BRINP2: variants seen among roughly 807,000 people sequenced by gnomAD.
The protein encoded by BRINP2 is BMP/retinoic acid inducible neural specific 2, also known as BMP/retinoic acid-inducible neural-specific protein 2.
BRINP2 carries 21 observed loss-of-function variants against 69.2 expected under a neutral mutation model. The ratio of observed to expected loss-of-function variants is 0.30; its 90% CI spans 0.22 to 0.44. The LOEUF is 0.44. Among genes scored for constraint, BRINP2 ranks in the 20% least tolerant of loss-of-function variants. The probability of loss-of-function intolerance (pLI) is 1.00; values close to 1 mark genes in which losing one functional copy is unlikely to be tolerated. For missense variants in BRINP2, 877 were observed against 986.0 expected, an observed-to-expected ratio of 0.89 and a Z score of 1.48; for synonymous variants, 380 against 394.1, an observed-to-expected ratio of 0.96 and a Z score of 0.42.
rs1182079599 is a variant in BRINP2 at position 177,281,415 on chromosome 1, C to A, written c.2239C>A (p.His747Asn). 6.2e-7 allele frequency: 1 copy of A among 1,614,124 alleles called. No homozygotes were observed. The highest frequency in any genetic ancestry group is 1.7e-5 in the Admixed American group (1 of 60,016). ...TGACCTTTTCTCCTGCTTGCTCCGG[C>A]ATCGGCTTAAGCTGGCCAACAATGA... ...RLDLFSCLLR[H>N]RLKLANNEVG... Residue 747 changes from histidine (H) to asparagine (N), a missense_variant, in exon 8 of 8, where the codon CAT becomes AAT. His to Asn is a moderately conservative substitution (Grantham distance 68, BLOSUM62 1). Coordinates refer to ENST00000361539, the MANE Select transcript of BRINP2 (RefSeq NM_021165.4).
At chr1:177,210,821 T>C (rs1433372353) in intron 1 of BRINP2, among the ~76,000 whole-genome samples, 2 of 151,672 alleles carry the variant, frequency 1.3e-5, no homozygotes, top group East Asian at 3.9e-4. Context: ...GTGAAATACA[T>C]ACCAGATCTC....
At chr1:177,259,569 G>C (rs75752690) in intron 4 of BRINP2, among the ~76,000 whole-genome samples, 7,639 of 152,266 alleles carry the variant, frequency 0.05, 262 homozygotes, top group Non-Finnish European at 0.075. Context: ...GTAAGTCAAT[G>C]CCTGGCTTCA....
At chr1:177,250,417 C>A (rs1285672878) in intron 2 of BRINP2, among the ~76,000 whole-genome samples, 2 of 152,190 alleles carry the variant, frequency 1.3e-5, no homozygotes, top group African/African-American at 4.8e-5. Context: ...ACCTCCACCT[C>A]CCAGGTTCAA....
At chr1:177,254,923 T>A (rs941807032) in intron 2 of BRINP2, among the ~76,000 whole-genome samples, 1 of 152,202 alleles carries the variant, frequency 6.6e-6, no homozygotes, top group African/African-American at 2.4e-5. Flanking sequence ...ATGTGGAAGA[T>A]CTGCATAACT....
intron 1 of BRINP2, among the ~76,000 whole-genome samples, chr1:177,197,806 G>A (rs1648790345): frequency 6.6e-6 from 1 of 152,188 alleles, no homozygotes; most frequent in African/African-American, 2.4e-5. Flanking sequence ...GGGGAATAAG[G>A]TGTGTTGGAT....
intron 1 of BRINP2, among the ~76,000 whole-genome samples, chr1:177,179,084 G>A (rs1365275581): frequency 2.0e-5 from 3 of 152,106 alleles, no homozygotes; most frequent in African/African-American, 7.2e-5. Context: ...AGTAACTAGG[G>A]GAGCTGGCAT....
chr1:177,218,225 T>C (rs542735765), intron 1 of BRINP2, among the ~76,000 whole-genome samples: 2 of 151,404 alleles, frequency 1.3e-5, no homozygotes, highest in South Asian at 4.2e-4. Context: ...CTGTAGCAGA[T>C]CTAGTGCCTG....
At chr1:177,192,322 C>G (rs890356617) in intron 1 of BRINP2, among the ~76,000 whole-genome samples, 2 of 152,116 alleles carry the variant, frequency 1.3e-5, no homozygotes, top group African/African-American at 4.8e-5. Context: ...GTTGATGGCC[C>G]ACTGCATATC....
intron 1 of BRINP2, among the ~76,000 whole-genome samples, chr1:177,222,832 A>G (rs1373191901): frequency 6.6e-6 from 1 of 152,164 alleles, no homozygotes; most frequent in Non-Finnish European, 1.5e-5. Flanking sequence ...ACTTTGGAAC[A>G]GCCGATCAGG....
Position 177,257,279 on chromosome 1 carries a change from T to C in BRINP2, c.564T>C (p.Ala188=). 1.2e-6 allele frequency: 2 copies of C among 1,614,068 alleles called. No individual in the cohort carries two copies. The highest frequency in any genetic ancestry group is 1.7e-6 in the Non-Finnish European group (2 of 1,179,996). Residue 188 remains alanine, a synonymous_variant, in exon 4 of 8, where the codon GCT becomes GCC. Coordinates refer to ENST00000361539, the MANE Select transcript of BRINP2 (RefSeq NM_021165.4). ...SIIGGSGNST[A]VSLETLHQLA... Reference sequence around the variant, plus strand: ...TCGGGGGCAGTGGGAACAGCACAGCTGTGTCCCTGGAGACCCTGCACCAGC... The same window carrying C: ...TCGGGGGCAGTGGGAACAGCACAGCCGTGTCCCTGGAGACCCTGCACCAGC...
At chr1:177,185,551 G>A (rs972753037) in intron 1 of BRINP2, among the ~76,000 whole-genome samples, 15 of 152,144 alleles carry the variant, frequency 9.9e-5, no homozygotes, top group African/African-American at 3.6e-4. Context: ...GCCTGGAGAA[G>A]TATTTATAAA....
In BRINP2 at chr1:177,257,389, T is replaced by TG; in HGVS notation, c.669+6dup. 6.2e-7 allele frequency: 1 copy of TG among 1,604,222 alleles called. No individual in the cohort carries two copies. Among genetic ancestry groups the TG allele is most frequent in the Non-Finnish European group, 8.5e-7 (1 of 1,173,806 alleles). On this transcript the variant is annotated splice_donor_region_variant and intron_variant, in intron 4 of 7. Coordinates refer to ENST00000361539, the MANE Select transcript of BRINP2 (RefSeq NM_021165.4). Reference sequence around the variant, plus strand: ...ATAGCCACGGGGGCCATCAAGGTAATGACCTGAGAGGTACAGGGAAGGGGA... The same window carrying TG: ...ATAGCCACGGGGGCCATCAAGGTAATGGACCTGAGAGGTACAGGGAAGGGGA...
Position 177,266,037 on chromosome 1 carries a change from A to G in BRINP2, c.670-7451A>G, listed in dbSNP as rs567536085. On this transcript the variant is annotated intron_variant, in intron 4 of 7. Coordinates refer to ENST00000361539, the MANE Select transcript of BRINP2 (RefSeq NM_021165.4). ...TGGGAGGCTGAGGCAGGAGAATGGC[A>G]TGAGCCCAGGAGCTGGAGCTTGCAG... Among the ~76,000 whole-genome samples, 96 of 151,762 alleles carry G rather than the reference A, an allele frequency of 6.3e-4. 1 individual carries two copies. The highest frequency in any genetic ancestry group is 9.4e-4 in the Non-Finnish European group (64 of 67,936).
intron 2 of BRINP2, among the ~76,000 whole-genome samples, chr1:177,237,335 C>T (rs1650056576): frequency 2.6e-5 from 4 of 152,198 alleles, no homozygotes; most frequent in African/African-American, 9.6e-5. Flanking sequence ...GTTTGAGTGA[C>T]AGCATACACA....
At chr1:177,269,995 G>C (rs1176862776) in intron 4 of BRINP2, among the ~76,000 whole-genome samples, 2 of 149,310 alleles carry the variant, frequency 1.3e-5, no homozygotes, top group African/African-American at 4.9e-5. Context: ...TGCCAAAGCT[G>C]TCTGCCTCTT....
chr1:177,189,718 T>G (rs1648532574), intron 1 of BRINP2, among the ~76,000 whole-genome samples: 1 of 152,292 alleles, frequency 6.6e-6, no homozygotes, highest in African/African-American at 2.4e-5. Flanking sequence ...CATTGAGATG[T>G]TTTGTCCTCA....
chr1:177,222,355 A>G (rs1649562343), intron 1 of BRINP2, among the ~76,000 whole-genome samples: 1 of 152,096 alleles, frequency 6.6e-6, no homozygotes, highest in East Asian at 1.9e-4. Context: ...TCTATTGCCC[A>G]GGCTGGAGTG....
chr1:177,177,269 A>G (rs962128699), intron 1 of BRINP2, among the ~76,000 whole-genome samples: 1 of 151,972 alleles, frequency 6.6e-6, no homozygotes, highest in Non-Finnish European at 1.5e-5. Flanking sequence ...CAACAGAGCG[A>G]GACTCTTTAT....
chr1:177,229,899 G>C lies in BRINP2; in HGVS notation c.23G>C (p.Arg8Pro). The change falls in exon 2 of 8, where the codon CGG (arginine) becomes CCG (proline). Residue 8 changes from arginine (R) to proline (P), a missense_variant. Arg to Pro is a moderately radical substitution (Grantham distance 103). Coordinates refer to ENST00000361539, the MANE Select transcript of BRINP2 (RefSeq NM_021165.4). MRWQCGT[R>P]FRGLRPAVAP... Reference sequence around the variant, plus strand: ...AGCATGAGGTGGCAGTGTGGCACTCGGTTTAGAGGGCTTCGGCCGGCGGTG... The same window carrying C: ...AGCATGAGGTGGCAGTGTGGCACTCCGTTTAGAGGGCTTCGGCCGGCGGTG... 1 of 1,592,224 alleles carries C rather than the reference G, an allele frequency of 6.3e-7. No individual in the cohort carries two copies. The highest frequency in any genetic ancestry group is 8.6e-7 in the Non-Finnish European group (1 of 1,165,456).
Sources: allele counts gnomAD v4.1 joint callset (sites outside exome capture counted in the v4.1 genomes callset), GRCh38; gene constraint gnomAD v4.1.1; transcripts MANE v1.5; gene names NCBI Gene and HGNC (gene_info 2026-07-23, HGNC 2026-07-21).